THRB: variants seen among roughly 807,000 people sequenced by gnomAD.
THRB encodes the protein nuclear receptor subfamily 1 group A member 2.
Under a neutral mutation model 47.8 loss-of-function variants are expected in THRB, and 12 were observed. The ratio of observed to expected loss-of-function variants is 0.25; its 90% CI spans 0.16 to 0.41. THRB has a LOEUF of 0.41. THRB is among the 10% of genes least tolerant of loss of function. The pLI is 1.00. For missense variants in THRB, 348 were observed against 589.2 expected (o/e 0.59, Z 4.24); for synonymous variants, 218 against 212.2 (o/e 1.03, Z -0.24).
rs1212480813 is a variant in THRB, at chr3:24,121,232, AC to A, written c.*1651del. ...GGTAAGAAAACCAAGACCTAGAATT[AC>A]AAATCTACCAGTTGACAGAGCACGA... On this transcript the variant is annotated 3_prime_UTR_variant, in exon 11 of 11. Coordinates refer to ENST00000646209, the MANE Select transcript of THRB (RefSeq NM_001354712.2). The A allele has an allele frequency of 6.6e-6, 1 of 152,634 alleles. No homozygotes were observed. Among genetic ancestry groups the A allele is most frequent in the East Asian group, 1.9e-4 (1 of 5,196 alleles). 9.5% of individuals were successfully genotyped at this position (152,634 alleles called of 1,614,324 possible). A position where few individuals can be genotyped will look rare whatever the true frequency, so the allele number is the denominator to read the frequency against.
intron 1 of THRB, chr3:24,486,477 T>G (rs1354409834): frequency 6.6e-6 from 1 of 152,232 alleles, no homozygotes; most frequent in African/African-American, 2.4e-5. Flanking sequence ...AATTACTTAT[T>G]ATAAGGCTTG....
intron 1 of THRB, among the ~76,000 whole-genome samples, chr3:24,466,027 T>G (rs2074126206): frequency 6.6e-6 from 1 of 152,174 alleles, no homozygotes; most frequent in African/African-American, 2.4e-5. Flanking sequence ...ATAGCATGAC[T>G]GTATTATGTG....
At chr3:24,312,656 T>C (rs943810902) in intron 2 of THRB, among the ~76,000 whole-genome samples, 8 of 152,122 alleles carry the variant, frequency 5.3e-5, no homozygotes, top group Admixed American at 2.0e-4. Flanking sequence ...CTATTGTACA[T>C]CTACCTAGAT....
At chr3:24,260,453 G>A (rs1409317602) in intron 3 of THRB, among the ~76,000 whole-genome samples, 1 of 152,198 alleles carries the variant, frequency 6.6e-6, no homozygotes, top group Non-Finnish European at 1.5e-5. Context: ...CAATTTCCAT[G>A]CTGGAAAGCA....
chr3:24,409,426 G>C (rs1312398112), intron 1 of THRB, among the ~76,000 whole-genome samples: 1 of 151,794 alleles, frequency 6.6e-6, no homozygotes, highest in Non-Finnish European at 1.5e-5. Flanking sequence ...ATATAGCATA[G>C]CAGTTAAGAA....
intron 1 of THRB, among the ~76,000 whole-genome samples, chr3:24,368,356 G>T (rs1302731215): frequency 6.6e-6 from 1 of 152,102 alleles, no homozygotes; most frequent in African/African-American, 2.4e-5. Flanking sequence ...GCACAAGAGT[G>T]TGCACAAATG....
chr3:24,231,029 C>T (rs1282472573), intron 3 of THRB, among the ~76,000 whole-genome samples: 4 of 152,276 alleles, frequency 2.6e-5, no homozygotes, highest in East Asian at 3.9e-4. Context: ...TGGTGTCTCT[C>T]GGCTCTTCCT....
chr3:24,190,185 G>A lies in THRB; in HGVS notation c.172C>T (p.Leu58Phe). The A allele has an allele frequency of 6.2e-7, 1 of 1,614,140 alleles. No homozygotes were observed. Among genetic ancestry groups the A allele is most frequent in the Non-Finnish European group, 8.5e-7 (1 of 1,179,990 alleles). The part of the protein sequence containing the change: ...TLKNEQSSPH[L>F]IQTTWTSSIF... ...GAGCTAGTCCAAGTGGTCTGGATGA[G>A]ATGTGGCGACGACTGTTCATTTTTC... Residue 58 changes from leucine (L) to phenylalanine (F), a missense_variant, in exon 5 of 11, where the codon CTC (leucine) becomes TTC (phenylalanine). By Grantham distance (22) the Leu-to-Phe change is conservative. Around this residue, in one of 5 missense-constraint regions of THRB, gnomAD observed 148 missense variants for 122.3 expected, o/e 1.21. Coordinates refer to ENST00000646209, the MANE Select transcript of THRB (RefSeq NM_001354712.2).
chr3:24,339,484 GATGTC>G (rs1488086001), intron 1 of THRB, among the ~76,000 whole-genome samples: 1 of 152,166 alleles, frequency 6.6e-6, no homozygotes. Flanking sequence ...CAGGCAGTCT[GATGTC>G]ATGGGCCTTG....
rs577573944 is a variant in THRB, at chr3:24,310,506, TA to T, written c.-188-13136del. On this transcript the variant is annotated intron_variant, in intron 2 of 10. Coordinates refer to ENST00000646209, the MANE Select transcript of THRB (RefSeq NM_001354712.2). ...CATCAGAATAATCTAGAGGGTTCCT[TA>T]AACATAGATTGCTGGGCCCCATCCC... 9.2e-5 allele frequency among the ~76,000 whole-genome samples: 14 copies of T among 152,338 alleles called. No homozygotes were observed. In the South Asian group the frequency reaches 2.9e-3, roughly 32 times the overall value.
chr3:24,274,507 A>G (rs538590901), intron 3 of THRB, among the ~76,000 whole-genome samples: 11 of 152,288 alleles, frequency 7.2e-5, no homozygotes, highest in African/African-American at 2.6e-4. Context: ...GTATGTGTCT[A>G]AACACTTTTT....
chr3:24,430,419 T>C (rs2070261280), intron 1 of THRB, among the ~76,000 whole-genome samples: 1 of 152,074 alleles, frequency 6.6e-6, no homozygotes, highest in Non-Finnish European at 1.5e-5. Flanking sequence ...TTGTTTTTCA[T>C]ATGAGAAAAA....
intron 3 of THRB, among the ~76,000 whole-genome samples, chr3:24,249,858 C>T (rs982037670): frequency 1.3e-5 from 2 of 152,202 alleles, no homozygotes; most frequent in Non-Finnish European, 2.9e-5. Flanking sequence ...TTATTCACAA[C>T]AACTATTAGG....
At chr3:24,345,499 G>A (rs1386457789) in intron 1 of THRB, among the ~76,000 whole-genome samples, 1 of 152,154 alleles carries the variant, frequency 6.6e-6, no homozygotes, top group Non-Finnish European at 1.5e-5. Context: ...CTTTAGGCAT[G>A]CAGAGTGCAG....
chr3:24,212,349 G>A (rs2046124740), intron 4 of THRB, among the ~76,000 whole-genome samples: 1 of 152,006 alleles, frequency 6.6e-6, no homozygotes. Context: ...AGGGAGCCGA[G>A]ATCGCTCCCT....
chr3:24,377,154 A>G (rs1360717253), intron 1 of THRB, among the ~76,000 whole-genome samples: 1 of 152,044 alleles, frequency 6.6e-6, no homozygotes, highest in East Asian at 1.9e-4. Context: ...TTTGTTGCCC[A>G]GGCTGGTTTT....
At chr3:24,212,309 A>C (rs1235317024) in intron 4 of THRB, among the ~76,000 whole-genome samples, 1 of 152,158 alleles carries the variant, frequency 6.6e-6, no homozygotes, top group Non-Finnish European at 1.5e-5. Context: ...GAGGCAGAAG[A>C]ATCGCTTGAA....
intron 3 of THRB, among the ~76,000 whole-genome samples, chr3:24,244,755 T>G (rs1211407935): frequency 2.0e-5 from 3 of 152,196 alleles, no homozygotes; most frequent in African/African-American, 7.2e-5. Context: ...GTTGCTTAGC[T>G]AGCAGCCCTG....
At chr3:24,419,190 G>C (rs938503562) in intron 1 of THRB, among the ~76,000 whole-genome samples, 6 of 151,900 alleles carry the variant, frequency 3.9e-5, no homozygotes, top group Admixed American at 2.6e-4. Context: ...AAAATTTAGA[G>C]CTTTCTCCTT....
Sources: gnomAD v4.1 joint callset for allele counts (sites outside exome capture counted in the v4.1 genomes callset) on GRCh38, gnomAD v4.1.1 for gene constraint, gnomAD v4.1.1 regional missense constraint, MANE v1.5 for transcripts, NCBI Gene and HGNC (gene_info 2026-07-23, HGNC 2026-07-21) for gene names.